Variants in PHF3 observed in about 807,000 individuals in gnomAD.
The protein encoded by PHF3 is PHD finger protein 3.
A neutral mutation model predicts 178.4 loss-of-function variants in PHF3; 41 were observed. The observed-to-expected ratio is 0.23, with a 90% confidence interval of 0.18 to 0.30. PHF3 has a LOEUF of 0.30. Ranked by LOEUF, PHF3 falls within the 10% of genes least tolerant of loss-of-function variation. The probability of loss-of-function intolerance (pLI) is 1.00; values close to 1 mark genes in which losing one functional copy is unlikely to be tolerated. For missense variants in PHF3, 2,346 were observed against 2,398.1 expected (o/e 0.98, Z 0.45); for synonymous variants, 842 against 800.5 (o/e 1.05, Z -0.88).
chr6:63,685,933 A>T (rs757982499), intron 4 of PHF3, 22 bp downstream of exon 4: 1 of 1,528,456 alleles, frequency 6.5e-7, no homozygotes, highest in East Asian at 2.3e-5. Context: ...TGTGTGTATG[A>T]GTGATGTGTA....
intron 14 of PHF3, 95 bp downstream of exon 14, chr6:63,709,335 A>G: frequency 2.5e-6 from 2 of 813,180 alleles, no homozygotes; most frequent in South Asian, 3.1e-5. Context: ...TCTCCTGGGG[A>G]AAGGAGGCAA....
intron 2 of PHF3, among the ~76,000 whole-genome samples, chr6:63,658,500 T>C (rs986448078): frequency 1.3e-5 from 2 of 152,140 alleles, no homozygotes; most frequent in African/African-American, 4.8e-5. Context: ...ATATAAAATT[T>C]CTGGCATCCA....
At position 63,721,035 on chromosome 6, in the gene PHF3, C is replaced by G. The variant is rs761023810; in HGVS notation, c.*7327C>G. On this transcript the variant is annotated 3_prime_UTR_variant, in exon 16 of 16. Coordinates refer to ENST00000262043, the MANE Select transcript of PHF3 (RefSeq NM_001370348.2). ...ATCATTTTCTTCATTTTGAGCTATT[C>G]CCATCCATACAATTAGACCTTCTGT... 1.3e-6 allele frequency: 2 copies of G among 1,551,172 alleles called. No homozygotes were observed. The highest frequency in any genetic ancestry group is 1.7e-6 in the Non-Finnish European group (2 of 1,146,706).
Position 63,721,609 on chromosome 6 carries a change from C to G in PHF3, c.*7901C>G. 1 of 1,551,212 alleles carries G rather than the reference C, an allele frequency of 6.4e-7. No homozygotes were observed. The highest frequency in any genetic ancestry group is 2.4e-5 in the East Asian group (1 of 40,906). Reference sequence around the variant, plus strand: ...TCCAGAGAACTCATTTTAGTGGAGGCCTTTTCTGTTACATTTATCCCATCT... The same window carrying G: ...TCCAGAGAACTCATTTTAGTGGAGGGCTTTTCTGTTACATTTATCCCATCT... On this transcript the variant is annotated 3_prime_UTR_variant, in exon 16 of 16. Transcript: ENST00000262043.
chr6:63,716,636 C>G lies in PHF3; in HGVS notation c.*2928C>G, dbSNP rs940996654. Among the ~76,000 whole-genome samples, 5 of 151,710 alleles carry G rather than the reference C, an allele frequency of 3.3e-5. No individual in the cohort carries two copies. The highest frequency in any genetic ancestry group is 1.2e-4 in the African/African-American group (5 of 41,294). On this transcript the variant is annotated 3_prime_UTR_variant, in exon 16 of 16. Transcript: ENST00000262043. Reference sequence around the variant, plus strand: ...TCACTGGGTAAGATCAAGGTGTCAGCAAGATGCATTCATTTTCTGGAGACT... The same window carrying G: ...TCACTGGGTAAGATCAAGGTGTCAGGAAGATGCATTCATTTTCTGGAGACT...
Position 63,723,410 on chromosome 6 carries a change from C to T in PHF3, c.*9702C>T, listed in dbSNP as rs918325908. 7.2e-5 allele frequency among the ~76,000 whole-genome samples: 11 copies of T among 152,108 alleles called. No individual in the cohort carries two copies. Among genetic ancestry groups the T allele is most frequent in the Non-Finnish European group, 1.2e-4 (8 of 68,024 alleles). On this transcript the variant is annotated 3_prime_UTR_variant, in exon 16 of 16. Coordinates refer to ENST00000262043, the MANE Select transcript of PHF3 (RefSeq NM_001370348.2). ...ATATACTTTGTGGCCTGCAAGTGAA[C>T]ACAAACCAGTTATCTTTTGCAAGAT...
intron 3 of PHF3, among the ~76,000 whole-genome samples, chr6:63,681,991 T>C (rs975278796): frequency 6.6e-6 from 1 of 152,114 alleles, no homozygotes; most frequent in Non-Finnish European, 1.5e-5. Flanking sequence ...GCTAGCATAT[T>C]ATGGAAGCCT....
rs1764306702 is a variant in PHF3, at chr6:63,635,887, T to C, written c.-289T>C. 1 of 397,308 alleles carries C rather than the reference T, an allele frequency of 2.5e-6. No homozygotes were observed. The allele number at this position is 397,308 out of a possible 1,614,324, so 24.6% of individuals were successfully genotyped here. A position where few individuals can be genotyped will look rare whatever the true frequency, so the allele number is the denominator to read the frequency against. On this transcript the variant is annotated 5_prime_UTR_variant, in exon 1 of 16. Coordinates refer to ENST00000262043, the MANE Select transcript of PHF3 (RefSeq NM_001370348.2). ...TGCGGGGTCTCGCGCCGTCGCACCG[T>C]CCCCACGCGGCAAGCGACCTTCGGG...
At chr6:63,706,255 C>A in intron 12 of PHF3, 31 bp downstream of exon 12, 3 of 1,506,468 alleles carry the variant, frequency 2.0e-6, no homozygotes, top group Non-Finnish European at 2.7e-6. Flanking sequence ...TTCTGTAATA[C>A]TCATTATAGA....
intron 2 of PHF3, among the ~76,000 whole-genome samples, chr6:63,661,458 G>A (rs985218886): frequency 3.3e-5 from 5 of 152,118 alleles, no homozygotes; most frequent in African/African-American, 1.2e-4. Flanking sequence ...AACAAATTTA[G>A]TATCTAGGAA....
chr6:63,672,357 G>T (rs1207631684), intron 2 of PHF3, among the ~76,000 whole-genome samples: 1 of 152,096 alleles, frequency 6.6e-6, no homozygotes, highest in Non-Finnish European at 1.5e-5. Flanking sequence ...TGTCACCATA[G>T]ATTTTCTAAA....
chr6:63,674,753 C>G (rs1458358676), intron 2 of PHF3, among the ~76,000 whole-genome samples: 1 of 152,052 alleles, frequency 6.6e-6, no homozygotes, highest in Non-Finnish European at 1.5e-5. Flanking sequence ...ATGTTCTTTT[C>G]CCCCTCAAGT....
intron 2 of PHF3, among the ~76,000 whole-genome samples, chr6:63,659,987 T>C (rs1303541672): frequency 6.6e-6 from 1 of 152,196 alleles, no homozygotes; most frequent in African/African-American, 2.4e-5. Context: ...AAATCGGTTC[T>C]CAGATTTCAT....
Position 63,711,953 on chromosome 6 carries a change from T to A in PHF3, c.4365T>A (p.Thr1455=). 1 of 1,613,792 alleles carries A rather than the reference T, an allele frequency of 6.2e-7. No individual in the cohort carries two copies. The highest frequency in any genetic ancestry group is 8.5e-7 in the Non-Finnish European group (1 of 1,179,914). ...GVLIGWENQP[T]TLELANKPLP... ...TGATTGGCTGGGAGAATCAACCTAC[T>A]ACTCTGGAATTAGCAAATAAACCTC... Residue 1455 remains threonine, a synonymous_variant, in exon 16 of 16, where the codon ACT becomes ACA. Coordinates refer to ENST00000262043, the MANE Select transcript of PHF3 (RefSeq NM_001370348.2).
At chr6:63,690,956 A>G (rs1766972353) in intron 4 of PHF3, among the ~76,000 whole-genome samples, 1 of 152,176 alleles carries the variant, frequency 6.6e-6, no homozygotes, top group South Asian at 2.1e-4. Flanking sequence ...AAAGACAGTG[A>G]TGGGAAAACT....
At position 63,685,445 on chromosome 6, in the gene PHF3, G is replaced by T. The variant is rs746374969; in HGVS notation, c.1723G>T (p.Val575Leu). ...ATCTGTGAAAAACCAAGCTCATTCT[G>T]TACTGAAAAAAACATTACAGGATCA... ...VKSVKNQAHS[V>L]LKKTLQDQTL... Residue 575 changes from valine (V) to leucine (L), a missense_variant, in exon 4 of 16, where the codon GTA (valine) becomes TTA (leucine). Val to Leu is a conservative substitution (Grantham distance 32). Coordinates refer to ENST00000262043, the MANE Select transcript of PHF3 (RefSeq NM_001370348.2). 1.2e-6 allele frequency: 2 copies of T among 1,613,902 alleles called. No individual in the cohort carries two copies. The highest frequency in any genetic ancestry group is 1.1e-5 in the South Asian group (1 of 91,062).
chr6:63,713,518 G>A lies in PHF3; in HGVS notation c.5930G>A (p.Gly1977Asp). 1 of 1,613,750 alleles carries A rather than the reference G, an allele frequency of 6.2e-7. No homozygotes were observed. Among genetic ancestry groups the A allele is most frequent in the Non-Finnish European group, 8.5e-7 (1 of 1,179,902 alleles). The change falls in exon 16 of 16, where the codon GGT becomes GAT. Residue 1977 changes from glycine (G) to aspartate (D), a missense_variant. Gly to Asp is a moderately conservative substitution (Grantham distance 94, BLOSUM62 -1). Transcript: ENST00000262043. Reference sequence around the variant, plus strand: ...AAAGAGAGGGCACGGTTATCACATGGTGATCGAGGAACAGATGGAAAAGCA... The same window carrying A: ...AAAGAGAGGGCACGGTTATCACATGATGATCGAGGAACAGATGGAAAAGCA... Reference protein sequence around the residue: ...KDKERARLSHGDRGTDGKASR... With the variant: ...KDKERARLSHDDRGTDGKASR...
At chr6:63,638,021 T>C (rs1034621339) in intron 1 of PHF3, among the ~76,000 whole-genome samples, 1 of 152,202 alleles carries the variant, frequency 6.6e-6, no homozygotes, top group Admixed American at 6.5e-5. Context: ...CATGTTGATC[T>C]TATGGTATAC....
chr6:63,688,650 A>G (rs988738109), intron 4 of PHF3, among the ~76,000 whole-genome samples: 8 of 152,010 alleles, frequency 5.3e-5, no homozygotes, highest in Non-Finnish European at 1.2e-4. Context: ...TTGTTTTTAC[A>G]TATTAACTAG....
Sources: allele counts gnomAD v4.1 joint callset (sites outside exome capture counted in the v4.1 genomes callset), GRCh38; gene constraint gnomAD v4.1.1; transcripts MANE v1.5; gene names NCBI Gene and HGNC (gene_info 2026-07-23, HGNC 2026-07-21).